Variants in CHLSN observed in about 807,000 individuals in gnomAD.
CHLSN encodes protein cholesin.
chr7:1,070,992 A>ACACGTGCACGGGCACACG, the CHLSN span, among the ~76,000 whole-genome samples: 1 of 150,294 alleles, frequency 6.7e-6, no homozygotes, highest in Non-Finnish European at 1.5e-5. Context: ...ACGGGCACAC[A>ACACGTGCACGGGCACACG]CACACGTGCA....
the CHLSN span, among the ~76,000 whole-genome samples, chr7:1,027,752 C>A: frequency 2.6e-5 from 4 of 151,868 alleles, no homozygotes; most frequent in South Asian, 8.3e-4. Context: ...GGGTCCTCTA[C>A]CCCGGCACAG....
chr7:984,026 G>A, the CHLSN span, among the ~76,000 whole-genome samples: 2 of 152,162 alleles, frequency 1.3e-5, no homozygotes, highest in African/African-American at 4.8e-5. Context: ...AGCCGAAGAC[G>A]GATCAGGGTC....
the CHLSN span, among the ~76,000 whole-genome samples, chr7:1,062,676 G>A: frequency 1.3e-5 from 2 of 152,220 alleles, no homozygotes; most frequent in Non-Finnish European, 2.9e-5. Context: ...GAACTGAGGT[G>A]TTGGGGTATC....
At chr7:1,017,866 G>A in the CHLSN span, among the ~76,000 whole-genome samples, 17 of 152,334 alleles carry the variant, frequency 1.1e-4, no homozygotes, top group African/African-American at 3.6e-4. Context: ...AACCACACCC[G>A]CCTTGGTGGG....
chr7:1,009,040 T>C, the CHLSN span, among the ~76,000 whole-genome samples: 4 of 72,688 alleles, frequency 5.5e-5, no homozygotes, highest in Non-Finnish European at 1.0e-4. Context: ...CGTACACACA[T>C]GCACACACGT....
chr7:998,144 G>A, the CHLSN span, among the ~76,000 whole-genome samples: 1 of 152,198 alleles, frequency 6.6e-6, no homozygotes, highest in Non-Finnish European at 1.5e-5. Context: ...AGAACAAAAA[G>A]CCAAGTACGC....
At chr7:1,133,634 G>A in the CHLSN span, among the ~76,000 whole-genome samples, 1 of 151,060 alleles carries the variant, frequency 6.6e-6, no homozygotes, top group Non-Finnish European at 1.5e-5. Context: ...GGCGCCTGTA[G>A]TCCCAACTAC....
At chr7:985,144 C>T in the CHLSN span, 163 of 1,599,512 alleles carry the variant, frequency 1.0e-4, no homozygotes, top group Middle Eastern at 3.3e-4. Flanking sequence ...CTGGACGTGC[C>T]TGAGGCCCGT....
the CHLSN span, chr7:1,058,381 G>C: frequency 1.3e-6 from 1 of 780,548 alleles, no homozygotes; most frequent in Non-Finnish European, 2.4e-6. Context: ...TTCTCCAGCA[G>C]CTTTGTGACA....
chr7:1,095,615 G>T, the CHLSN span, among the ~76,000 whole-genome samples: 1 of 152,214 alleles, frequency 6.6e-6, no homozygotes, highest in Non-Finnish European at 1.5e-5. Context: ...ACGAGCTGAC[G>T]TGGGGAGACC....
chr7:1,012,497 G>A, the CHLSN span, among the ~76,000 whole-genome samples: 25,310 of 152,264 alleles, frequency 0.17, 2,497 homozygotes, highest in Admixed American at 0.22. Context: ...CACCAGCCTG[G>A]ATGCTGCGGA....
the CHLSN span, chr7:1,025,726 G>A: frequency 6.6e-6 from 1 of 152,254 alleles, no homozygotes; most frequent in Non-Finnish European, 1.5e-5. Context: ...TGGCTCCCCA[G>A]TGGAGCTGAG....
the CHLSN span, among the ~76,000 whole-genome samples, chr7:1,027,343 C>T: frequency 1.3e-5 from 2 of 152,240 alleles, no homozygotes; most frequent in Non-Finnish European, 2.9e-5. Flanking sequence ...CAGCAGCAGG[C>T]TAGGCAGCCC....
At chr7:1,033,488 G>A in the CHLSN span, among the ~76,000 whole-genome samples, 1 of 152,056 alleles carries the variant, frequency 6.6e-6, no homozygotes, top group Admixed American at 6.5e-5. Flanking sequence ...AACTTGGGAA[G>A]TGGAGGTTGC....
At chr7:1,093,541 C>G in the CHLSN span, 3 of 470,926 alleles carry the variant, frequency 6.4e-6, no homozygotes, top group African/African-American at 2.0e-5. Flanking sequence ...GAGCGCCCGC[C>G]GTCTGCTCCG....
chr7:1,111,977 A>G, the CHLSN span, among the ~76,000 whole-genome samples: 25 of 152,234 alleles, frequency 1.6e-4, no homozygotes, highest in Non-Finnish European at 3.4e-4. Context: ...GGTTTCTTCC[A>G]TAAATTTCTC....
chr7:1,024,144 G>A, the CHLSN span, among the ~76,000 whole-genome samples: 1 of 152,104 alleles, frequency 6.6e-6, no homozygotes, highest in Non-Finnish European at 1.5e-5. Flanking sequence ...CGATCCTTCC[G>A]GCCAGCCTCA....
the CHLSN span, among the ~76,000 whole-genome samples, chr7:1,042,339 T>A: frequency 1.3e-5 from 2 of 152,144 alleles, no homozygotes; most frequent in Admixed American, 1.3e-4. Context: ...ACTTCAACCA[T>A]CAACACTAGA....
At chr7:1,020,357 C>T in the CHLSN span, among the ~76,000 whole-genome samples, 1 of 152,204 alleles carries the variant, frequency 6.6e-6, no homozygotes, top group Non-Finnish European at 1.5e-5. Context: ...GAGGCCCGCT[C>T]TCCTGTCAGA....
Sources: gnomAD v4.1 joint callset for allele counts (sites outside exome capture counted in the v4.1 genomes callset) on GRCh38, gnomAD v4.1.1 for gene constraint, MANE v1.5 for transcripts, NCBI Gene and HGNC (gene_info 2026-07-23, HGNC 2026-07-21) for gene names.